The following BTC variants were observed in gnomAD, a reference collection of about 807,000 sequenced individuals.
BTC encodes probetacellulin.
A neutral mutation model predicts 18.1 loss-of-function variants in BTC; 13 were observed. The observed-to-expected ratio is 0.72, with a 90% CI of 0.47 to 1.14. BTC has a LOEUF of 1.14. BTC is among the 50% of genes most tolerant of loss of function. BTC has a pLI of 0.00. For synonymous variants in BTC, 83 were observed against 79.4 expected (o/e 1.05, Z -0.24); for missense variants, 247 against 224.2 (o/e 1.10, Z -0.65).
chr4:74,780,267 A>G (rs374770218), intron 1 of BTC, among the ~76,000 whole-genome samples: 22 of 152,234 alleles, frequency 1.4e-4, no homozygotes, highest in African/African-American at 4.8e-4. Context: ...TGAAAGACAG[A>G]TTCCCAATTA....
chr4:74,790,574 G>A (rs568553635), intron 1 of BTC, among the ~76,000 whole-genome samples: 70 of 152,268 alleles, frequency 4.6e-4, no homozygotes, highest in African/African-American at 1.5e-3. Flanking sequence ...GGGAGACTAT[G>A]AAGCGATGTC....
intron 2 of BTC, among the ~76,000 whole-genome samples, chr4:74,758,266 T>A (rs548365284): frequency 6.6e-6 from 1 of 152,326 alleles, no homozygotes; most frequent in Non-Finnish European, 1.5e-5. Flanking sequence ...CTGAAGTGTT[T>A]ACACTTGAAA....
At chr4:74,750,342 CTA>C (rs1724425852) in intron 4 of BTC, among the ~76,000 whole-genome samples, 1 of 152,044 alleles carries the variant, frequency 6.6e-6, no homozygotes, top group Admixed American at 6.5e-5. Flanking sequence ...ATGTAGCCTA[CTA>C]TACAAATTTT....
chr4:74,758,160 C>A (rs1004715782), intron 2 of BTC, among the ~76,000 whole-genome samples: 3 of 152,078 alleles, frequency 2.0e-5, no homozygotes, highest in African/African-American at 4.8e-5. Context: ...CTAATGCAGG[C>A]AGTGGGAGGC....
intron 1 of BTC, among the ~76,000 whole-genome samples, chr4:74,770,801 C>T (rs1194071481): frequency 6.6e-6 from 1 of 151,554 alleles, no homozygotes; most frequent in Admixed American, 6.6e-5. Context: ...CTGAGATAAT[C>T]AGGGAAATTT....
At chr4:74,777,539 T>C (rs1263166632) in intron 1 of BTC, among the ~76,000 whole-genome samples, 1 of 152,212 alleles carries the variant, frequency 6.6e-6, no homozygotes, top group Non-Finnish European at 1.5e-5. Context: ...GCATACCTTC[T>C]ACAGTATGCT....
At chr4:74,757,611 G>A (rs1464176642) in intron 2 of BTC, among the ~76,000 whole-genome samples, 4 of 152,148 alleles carry the variant, frequency 2.6e-5, no homozygotes, top group East Asian at 3.9e-4. Flanking sequence ...AGAAAACATC[G>A]AAGAAATAAA....
intron 1 of BTC, among the ~76,000 whole-genome samples, chr4:74,793,184 C>T (rs1182303502): frequency 6.6e-6 from 1 of 152,214 alleles, no homozygotes; most frequent in Admixed American, 6.5e-5. Context: ...GTTACTGACT[C>T]CTTCCTCTTC....
At chr4:74,780,323 G>A (rs758761676) in intron 1 of BTC, among the ~76,000 whole-genome samples, 127 of 152,270 alleles carry the variant, frequency 8.3e-4, no homozygotes, top group Middle Eastern at 3.4e-3. Context: ...ATTTAACAGC[G>A]AAGACAAATG....
rs1461436134 is a variant in BTC at position 74,794,318 on chromosome 4, C to G, written c.8G>C (p.Arg3Pro). Reference protein sequence around the residue: MDRAARCSGASSL... With the variant: MDPAARCSGASSL... Reference sequence around the variant, plus strand: ...GCTGGCGCCGCTGCACCGGGCGGCCCGGTCCATCAACCCCGCTCTGCCGGG... The same window carrying G: ...GCTGGCGCCGCTGCACCGGGCGGCCGGGTCCATCAACCCCGCTCTGCCGGG... The change falls in exon 1 of 6, where the codon CGG becomes CCG. Residue 3 changes from arginine (R) to proline (P), a missense_variant. By Grantham distance (103) the Arg-to-Pro change is moderately radical (BLOSUM62 -2). Transcript: ENST00000395743. The G allele has an allele frequency of 2.6e-6, 4 of 1,547,084 alleles. No homozygotes were observed. Among genetic ancestry groups the G allele is most frequent in the Non-Finnish European group, 3.5e-6 (4 of 1,145,956 alleles).
intron 2 of BTC, among the ~76,000 whole-genome samples, chr4:74,757,746 A>G (rs1057349477): frequency 3.3e-5 from 5 of 152,262 alleles, no homozygotes; most frequent in African/African-American, 9.6e-5. Context: ...AACAGTAGAA[A>G]GAACACTGGA....
At chr4:74,772,351 C>T (rs1725064647) in intron 1 of BTC, among the ~76,000 whole-genome samples, 1 of 152,178 alleles carries the variant, frequency 6.6e-6, no homozygotes, top group South Asian at 2.1e-4. Flanking sequence ...CCCTTTCCTT[C>T]ACACTTAGAA....
intron 1 of BTC, among the ~76,000 whole-genome samples, chr4:74,776,100 T>C (rs1419400736): frequency 6.6e-6 from 1 of 152,204 alleles, no homozygotes; most frequent in African/African-American, 2.4e-5. Context: ...GAAGCTCCTC[T>C]ATTTTTTATA....
chr4:74,782,102 T>A (rs1219883623), intron 1 of BTC, among the ~76,000 whole-genome samples: 1 of 152,136 alleles, frequency 6.6e-6, no homozygotes, highest in Non-Finnish European at 1.5e-5. Context: ...TTTCCAGCCC[T>A]ATTTTCTTTT....
chr4:74,755,805 A>G, intron 3 of BTC, 54 bp downstream of exon 3: 1 of 1,516,016 alleles, frequency 6.6e-7, no homozygotes, highest in Non-Finnish European at 9.1e-7. Context: ...GGCAAGACCC[A>G]GGCGGGCACC....
intron 3 of BTC, 90 bp downstream of exon 3, chr4:74,755,769 A>G (rs1391093667): frequency 5.7e-6 from 7 of 1,219,098 alleles, no homozygotes; most frequent in African/African-American, 4.5e-5. Context: ...GACAGATGGC[A>G]TGGTTAGCTC....
At chr4:74,767,225 C>A (rs550104112) in intron 2 of BTC, among the ~76,000 whole-genome samples, 4 of 151,700 alleles carry the variant, frequency 2.6e-5, no homozygotes, top group African/African-American at 9.7e-5. Flanking sequence ...AACTAATTCA[C>A]AAATTCAGAA....
chr4:74,776,696 T>C (rs1364135303), intron 1 of BTC, among the ~76,000 whole-genome samples: 4 of 152,182 alleles, frequency 2.6e-5, no homozygotes, highest in Non-Finnish European at 5.9e-5. Context: ...GTACACCAGC[T>C]GGGTCAACTA....
intron 1 of BTC, among the ~76,000 whole-genome samples, chr4:74,771,638 G>T (rs1725044549): frequency 3.9e-5 from 6 of 152,096 alleles, no homozygotes. Flanking sequence ...TATCTAATTG[G>T]AACATGTTTT....
Sources: gnomAD v4.1 joint callset for allele counts (sites outside exome capture counted in the v4.1 genomes callset) on GRCh38, gnomAD v4.1.1 for gene constraint, MANE v1.5 for transcripts, NCBI Gene and HGNC (gene_info 2026-07-23, HGNC 2026-07-21) for gene names.